Variants in KHDRBS2 observed in about 807,000 individuals in gnomAD.
The protein encoded by KHDRBS2 is KH RNA binding domain containing, signal transduction associated 2, also known as KH domain-containing, RNA-binding, signal transduction-associated protein 2.
KHDRBS2 carries 26 observed loss-of-function variants against 44.3 expected under a neutral mutation model. That is an observed-to-expected ratio of 0.59 (90% CI 0.43 to 0.81). KHDRBS2 has a LOEUF of 0.81. Ranked by LOEUF, KHDRBS2 falls within the 40% of genes least tolerant of loss-of-function variation. The probability of loss-of-function intolerance (pLI) is 0.00; values close to 1 mark genes in which losing one functional copy is unlikely to be tolerated. For missense variants in KHDRBS2, 476 were observed against 433.1 expected (o/e 1.10, Z -0.88); for synonymous variants, 194 against 151.1 (o/e 1.28, Z -2.08).
At chr6:61,590,691 TA>T in the KHDRBS2 span, among the ~76,000 whole-genome samples, 1 of 152,190 alleles carries the variant, frequency 6.6e-6, no homozygotes, top group East Asian at 1.9e-4. Flanking sequence ...TCAATATTTA[TA>T]AAGTACAGTC....
chr6:62,220,174 T>G (rs1830666702), intron 1 of KHDRBS2, among the ~76,000 whole-genome samples: 1 of 151,704 alleles, frequency 6.6e-6, no homozygotes, highest in Non-Finnish European at 1.5e-5. Context: ...TCTAGAATTC[T>G]ATACAAAATG....
the KHDRBS2 span, among the ~76,000 whole-genome samples, chr6:61,548,892 G>A: frequency 2.0e-5 from 3 of 152,038 alleles, no homozygotes; most frequent in Non-Finnish European, 2.9e-5. Flanking sequence ...AGTAGGCTGC[G>A]TGCATCTCTT....
At chr6:62,055,261 AATAG>A (rs1365105373) in intron 2 of KHDRBS2, among the ~76,000 whole-genome samples, 21 of 152,078 alleles carry the variant, frequency 1.4e-4, no homozygotes, top group Admixed American at 3.9e-4. Context: ...AAAAAGACTT[AATAG>A]ATAAAGGATA....
chr6:62,107,551 T>C (rs1462812904), intron 2 of KHDRBS2, among the ~76,000 whole-genome samples: 4 of 152,162 alleles, frequency 2.6e-5, no homozygotes, highest in Non-Finnish European at 4.4e-5. Flanking sequence ...GCCATCCCCA[T>C]CAAGCTACCA....
At chr6:61,550,734 A>G in the KHDRBS2 span, among the ~76,000 whole-genome samples, 1 of 148,814 alleles carries the variant, frequency 6.7e-6, no homozygotes, top group Non-Finnish European at 1.5e-5. Context: ...TTACTTCTTA[A>G]TAACAGCCTT....
intron 4 of KHDRBS2, among the ~76,000 whole-genome samples, chr6:61,937,435 A>T (rs1811238804): frequency 6.6e-6 from 1 of 152,072 alleles, no homozygotes; most frequent in African/African-American, 2.4e-5. Flanking sequence ...ACTACTACAC[A>T]ACGTCACTAG....
At chr6:61,697,003 A>C (rs573802647) in intron 8 of KHDRBS2, among the ~76,000 whole-genome samples, 192 bp downstream of exon 8, 1 of 152,278 alleles carries the variant, frequency 6.6e-6, no homozygotes, top group East Asian at 1.9e-4. Context: ...TGCTTTTAAA[A>C]TTTTGATCAA....
intron 4 of KHDRBS2, among the ~76,000 whole-genome samples, chr6:61,976,259 G>T (rs1378761053): frequency 1.3e-5 from 2 of 152,070 alleles, no homozygotes; most frequent in African/African-American, 4.8e-5. Context: ...ATTGTGCTAG[G>T]CATGATGCTA....
At chr6:61,650,321 T>C in the KHDRBS2 span, among the ~76,000 whole-genome samples, 5 of 152,154 alleles carry the variant, frequency 3.3e-5, no homozygotes, top group Non-Finnish European at 7.4e-5. Context: ...TATTATGTGT[T>C]TTGTTTATTG....
intron 3 of KHDRBS2, among the ~76,000 whole-genome samples, chr6:62,010,663 C>A (rs1003479797): frequency 3.3e-5 from 5 of 152,022 alleles, no homozygotes; most frequent in African/African-American, 4.8e-5. Flanking sequence ...ATAAATGGGT[C>A]TGATGGTTTT....
intron 6 of KHDRBS2, among the ~76,000 whole-genome samples, chr6:61,875,738 A>G (rs191803984): frequency 6.6e-6 from 1 of 152,196 alleles, no homozygotes; most frequent in African/African-American, 2.4e-5. Flanking sequence ...TTCTGATGCT[A>G]ATGTGATAAT....
chr6:61,860,024 T>G (rs1796692371), intron 6 of KHDRBS2, among the ~76,000 whole-genome samples: 1 of 151,886 alleles, frequency 6.6e-6, no homozygotes, highest in Admixed American at 6.6e-5. Flanking sequence ...AATCAATGTT[T>G]GAGAATAAAA....
intron 6 of KHDRBS2, among the ~76,000 whole-genome samples, chr6:61,812,413 C>T (rs1306040052): frequency 6.6e-6 from 1 of 152,178 alleles, no homozygotes; most frequent in Admixed American, 6.5e-5. Context: ...AAATGCCAGA[C>T]CTTTCATGAG....
chr6:61,888,901 T>A (rs1265602172), intron 6 of KHDRBS2, among the ~76,000 whole-genome samples: 7 of 152,052 alleles, frequency 4.6e-5, no homozygotes, highest in Non-Finnish European at 8.8e-5. Flanking sequence ...TTCCTGGCAT[T>A]CCTATGGCAG....
intron 4 of KHDRBS2, among the ~76,000 whole-genome samples, chr6:61,954,317 A>G (rs907438527): frequency 6.6e-6 from 1 of 151,230 alleles, no homozygotes; most frequent in African/African-American, 2.4e-5. Flanking sequence ...ACATATACAT[A>G]CATATATACA....
intron 2 of KHDRBS2, among the ~76,000 whole-genome samples, chr6:62,099,839 G>C (rs1239976243): frequency 1.3e-5 from 2 of 152,176 alleles, no homozygotes; most frequent in South Asian, 2.1e-4. Context: ...CTCTGATGGA[G>C]ATGTGCGGGG....
chr6:61,571,941 TC>T, the KHDRBS2 span, among the ~76,000 whole-genome samples: 1 of 151,338 alleles, frequency 6.6e-6, no homozygotes, highest in East Asian at 1.9e-4. Flanking sequence ...CAAACCCAAA[TC>T]AGCAGAAGAA....
chr6:62,189,499 A>C (rs1824158121), intron 1 of KHDRBS2, among the ~76,000 whole-genome samples: 2 of 152,120 alleles, frequency 1.3e-5, no homozygotes, highest in Non-Finnish European at 1.5e-5. Flanking sequence ...TTTATTATGC[A>C]ACAATAAGTA....
chr6:61,563,165 C>T, the KHDRBS2 span, among the ~76,000 whole-genome samples: 1 of 152,114 alleles, frequency 6.6e-6, no homozygotes, highest in African/African-American at 2.4e-5. Flanking sequence ...GGTATCAACA[C>T]TAATAAGTAT....
Sources: gnomAD v4.1 joint callset for allele counts (sites outside exome capture counted in the v4.1 genomes callset) on GRCh38, gnomAD v4.1.1 for gene constraint, MANE v1.5 for transcripts, NCBI Gene and HGNC (gene_info 2026-07-23, HGNC 2026-07-21) for gene names.